The following ABCA4 variants were observed in gnomAD, a reference collection of about 807,000 sequenced individuals.
ABCA4 encodes the protein ATP binding cassette subfamily A member 4.
In ABCA4, 196 loss-of-function variants were observed where a neutral mutation model predicts 263.7. The ratio of observed to expected loss-of-function variants is 0.74; its 90% CI spans 0.66 to 0.84. The LOEUF is 0.84. Among genes scored for constraint, ABCA4 ranks in the 40% least tolerant of loss-of-function variants. ABCA4 has a pLI of 0.00. For synonymous variants in ABCA4, 1,133 were observed against 1,094.2 expected (o/e 1.04, Z -0.70); for missense variants, 2,792 against 2,855.1 (o/e 0.98, Z 0.50).
At position 94,001,125 on chromosome 1, in the gene ABCA4, T is replaced by C. The variant is rs1659163884; in HGVS notation, c.6283-20A>G. ...CTCATCCTGGGGGGTGGAGAGAAGG[T>C]TGGGGGCACAGGCTGGGAGCTGGCC... is the stretch of plus-strand genomic sequence containing the variant. On this transcript the variant is annotated intron_variant, in intron 45 of 49. Transcript: ENST00000370225. 1.3e-6 allele frequency: 2 copies of C among 1,597,418 alleles called. No individual in the cohort carries two copies. The highest frequency in any genetic ancestry group is 1.7e-6 in the Non-Finnish European group (2 of 1,166,864).
intron 23 of ABCA4, 101 bp downstream of exon 23, chr1:94,041,108 G>T: frequency 8.4e-7 from 1 of 1,196,148 alleles, no homozygotes; most frequent in Non-Finnish European, 1.2e-6. Flanking sequence ...CACTGATTCT[G>T]GTGGCGAGAG....
chr1:94,093,416 C>T (rs528446042), intron 6 of ABCA4, among the ~76,000 whole-genome samples: 2 of 152,308 alleles, frequency 1.3e-5, no homozygotes, highest in African/African-American at 4.8e-5. Flanking sequence ...AGCTACTGTT[C>T]TGTAGAGATA....
chr1:94,051,266 T>C (rs1660831881), intron 17 of ABCA4, among the ~76,000 whole-genome samples: 1 of 152,214 alleles, frequency 6.6e-6, no homozygotes, highest in Non-Finnish European at 1.5e-5. Flanking sequence ...CAATGGGAGA[T>C]GAATGCAAAG....
chr1:94,030,591 C>A, intron 28 of ABCA4, 65 bp from the exon 29 acceptor site: 1 of 1,440,976 alleles, frequency 6.9e-7, no homozygotes, highest in African/African-American at 1.4e-5. Context: ...CAACTCAGAG[C>A]CTTTACTGGA....
chr1:94,007,817 G>C (rs1377265357), intron 42 of ABCA4, 77 bp from the exon 43 acceptor site: 1 of 1,368,188 alleles, frequency 7.3e-7, no homozygotes, highest in Non-Finnish European at 1.0e-6. Context: ...GTAAGTGTGT[G>C]TGTGAGCTGG....
At chr1:94,022,028 G>A (rs1659916938) in intron 32 of ABCA4, 77 bp from the exon 33 acceptor site, 4 of 1,259,932 alleles carry the variant, frequency 3.2e-6, no homozygotes, top group African/African-American at 1.5e-5. Flanking sequence ...GGTTTTGTAG[G>A]GAAACATGAA....
chr1:94,091,888 G>T (rs1661979995), intron 6 of ABCA4, among the ~76,000 whole-genome samples: 1 of 152,132 alleles, frequency 6.6e-6, no homozygotes, highest in South Asian at 2.1e-4. Flanking sequence ...TCTCTGCTTG[G>T]GTTGTCTGGG....
At chr1:94,045,957 C>T (rs1336922993) in intron 19 of ABCA4, 7 of 456,188 alleles carry the variant, frequency 1.5e-5, no homozygotes, top group Admixed American at 7.0e-5. Context: ...GAGTGGGGCG[C>T]CTGCGGAGCT....
At chr1:94,028,905 T>TAA (rs1472433536) in intron 30 of ABCA4, among the ~76,000 whole-genome samples, 1 of 5,968 alleles carries the variant, frequency 1.7e-4, no homozygotes, top group Non-Finnish European at 3.8e-4. Context: ...AGACTCTGTC[T>TAA]CAAAAAAAAA....
chr1:94,076,972 C>T (rs1302522975), intron 11 of ABCA4, among the ~76,000 whole-genome samples: 2 of 152,220 alleles, frequency 1.3e-5, no homozygotes, highest in Non-Finnish European at 2.9e-5. Context: ...TCTTAATGGT[C>T]ATGCGTGGGA....
At position 94,113,206 on chromosome 1, in the gene ABCA4, C is replaced by A. The variant is rs1662661015; in HGVS notation, c.67-140G>T. The A allele has an allele frequency of 5.2e-6, 4 of 769,882 alleles. No individual in the cohort carries two copies. In the South Asian group the frequency reaches 5.9e-5, roughly 11 times the overall value. 47.7% of individuals were successfully genotyped at this position (769,882 alleles called of 1,614,324 possible). On this transcript the variant is annotated intron_variant, in intron 1 of 49. Transcript: ENST00000370225. ...TGTGGTATCTTTACCTAAACAGTTT[C>A]CTTCCTTTACCCCCTCCCCACCATA... is the stretch of plus-strand genomic sequence containing the variant.
At chr1:94,115,835 T>TA (rs1361457347) in intron 1 of ABCA4, among the ~76,000 whole-genome samples, 8 of 152,192 alleles carry the variant, frequency 5.3e-5, no homozygotes, top group Non-Finnish European at 1.2e-4. Context: ...GCCCTCCACT[T>TA]ACGTTCATCT....
intron 11 of ABCA4, among the ~76,000 whole-genome samples, chr1:94,076,580 G>T (rs1557793410): frequency 6.6e-6 from 1 of 152,246 alleles, no homozygotes; most frequent in Non-Finnish European, 1.5e-5. Context: ...ATGCCTGTAG[G>T]CGTGAAAGGG....
intron 38 of ABCA4, among the ~76,000 whole-genome samples, chr1:94,013,138 G>A (rs186256548): frequency 2.7e-4 from 41 of 152,308 alleles, no homozygotes; most frequent in Admixed American, 1.2e-3. Context: ...AGTGGGCTGT[G>A]AGCCTGTGGC....
intron 44 of ABCA4, among the ~76,000 whole-genome samples, chr1:94,003,817 T>A (rs1659281601): frequency 6.6e-6 from 1 of 151,978 alleles, no homozygotes; most frequent in African/African-American, 2.4e-5. Context: ...TGCTAATTTT[T>A]TGTAGAGACA....
At chr1:94,083,238 T>C in intron 7 of ABCA4, 114 bp downstream of exon 7, 8 of 980,180 alleles carry the variant, frequency 8.2e-6, no homozygotes, top group South Asian at 5.2e-5. Flanking sequence ...GATGGAAAGA[T>C]CAAATGTACT....
At position 94,019,695 on chromosome 1, in the gene ABCA4, C is replaced by T. The variant is rs1659842977; in HGVS notation, c.5083G>A (p.Ala1695Thr). The part of the protein sequence containing the change: ...CVIFSMSFVP[A>T]SFVLYLIQER... ...TGGATCAAATAAAGGACAAAGCTGG[C>T]TGGGACGAAGGACATGGAGAAAATC... is the stretch of plus-strand genomic sequence containing the variant. Residue 1695 changes from alanine (A) to threonine (T), a missense_variant, in exon 36 of 50, where the codon GCC becomes ACC. Transcript: ENST00000370225. 1 of 1,613,796 alleles carries T rather than the reference C, an allele frequency of 6.2e-7. No individual in the cohort carries two copies. The highest frequency in any genetic ancestry group is 8.5e-7 in the Non-Finnish European group (1 of 1,179,872).
intron 4 of ABCA4, among the ~76,000 whole-genome samples, chr1:94,104,748 G>A (rs1211855): frequency 1.3e-5 from 2 of 152,294 alleles, no homozygotes; most frequent in African/African-American, 4.8e-5. Flanking sequence ...CACAGGGCCC[G>A]AAGGGAGGAG....
chr1:94,057,572 A>G (rs1273554250), intron 14 of ABCA4, among the ~76,000 whole-genome samples: 1 of 152,236 alleles, frequency 6.6e-6, no homozygotes, highest in East Asian at 1.9e-4. Context: ...CTACCCACAC[A>G]GGTGAAAATA....
Sources: gnomAD v4.1 joint callset for allele counts (sites outside exome capture counted in the v4.1 genomes callset) on GRCh38, gnomAD v4.1.1 for gene constraint, MANE v1.5 for transcripts, NCBI Gene and HGNC (gene_info 2026-07-23, HGNC 2026-07-21) for gene names.